SLC22A25: variants seen among roughly 807,000 people sequenced by gnomAD.
SLC22A25 encodes solute carrier family 22 member 25, also known as MGI:2442751, MGI:2385316, MGI:3042283, MGI:3645714, MGI:3605624, MGI:2442750.
Under a neutral mutation model 45.9 loss-of-function variants are expected in SLC22A25, and 44 were observed. The observed-to-expected ratio is 0.96, with a 90% CI of 0.75 to 1.23. SLC22A25 has a LOEUF of 1.23. Ranked by LOEUF, SLC22A25 falls within the 50% of genes most tolerant of loss-of-function variation. SLC22A25 has a pLI of 0.00. For synonymous variants in SLC22A25, 283 were observed against 238.6 expected (o/e 1.19, Z -1.72); for missense variants, 800 against 666.4 (o/e 1.20, Z -2.21).
intron 5 of SLC22A25, among the ~76,000 whole-genome samples, chr11:63,226,090 C>A (rs756340569): frequency 3.9e-5 from 6 of 151,986 alleles, no homozygotes; most frequent in Non-Finnish European, 7.4e-5. Flanking sequence ...ACCATTATTT[C>A]GAATTTTCTA....
chr11:63,200,673 G>A (rs1294691395), intron 7 of SLC22A25, among the ~76,000 whole-genome samples: 1 of 152,126 alleles, frequency 6.6e-6, no homozygotes, highest in Non-Finnish European at 1.5e-5. Context: ...TCAGGCAACA[G>A]AAAGAAATAA....
intron 1 of SLC22A25, among the ~76,000 whole-genome samples, chr11:63,242,744 T>C (rs2090270506): frequency 6.6e-6 from 1 of 152,184 alleles, no homozygotes. Flanking sequence ...CCTCATAGAC[T>C]GTGATCCCTA....
At chr11:63,189,800 A>C (rs1013546937) in intron 7 of SLC22A25, among the ~76,000 whole-genome samples, 1 of 152,176 alleles carries the variant, frequency 6.6e-6, no homozygotes, top group Non-Finnish European at 1.5e-5. Flanking sequence ...TCCTTCACTT[A>C]TGAAGCTTAG....
intron 7 of SLC22A25, among the ~76,000 whole-genome samples, chr11:63,208,700 G>A (rs1473186541): frequency 3.9e-5 from 6 of 152,156 alleles, no homozygotes; most frequent in Non-Finnish European, 7.4e-5. Context: ...AGAGGCCAAT[G>A]TGGGGAGTGA....
At position 63,236,061 on chromosome 11, in the gene SLC22A25, G is replaced by T. The variant is rs571109481; in HGVS notation, c.-445+1820C>A. Among the ~76,000 whole-genome samples, 572 of 152,272 alleles carry T rather than the reference G, an allele frequency of 3.8e-3. 1 individual carries two copies. Among genetic ancestry groups the T allele is most frequent in the African/African-American group, 0.013 (549 of 41,552 alleles). ...GGTGTCAGTCCACCCCTAATGGGGG[G>T]TGCCTCCCAGTTAGGCTACTTGGTG... On this transcript the variant is annotated intron_variant, in intron 3 of 11. Coordinates refer to ENST00000306494, the MANE Select transcript of SLC22A25 (RefSeq NM_199352.6).
intron 7 of SLC22A25, among the ~76,000 whole-genome samples, chr11:63,194,684 T>C (rs2088941185): frequency 6.6e-6 from 1 of 151,834 alleles, no homozygotes; most frequent in South Asian, 2.1e-4. Context: ...GCTAACATCA[T>C]AATGACAGGA....
intron 7 of SLC22A25, 28 bp from the exon 8 acceptor site, chr11:63,183,845 G>A (rs542792500): frequency 3.7e-6 from 6 of 1,611,878 alleles, no homozygotes; most frequent in Middle Eastern, 1.7e-4. Flanking sequence ...CAGAGGTGCA[G>A]CCAACCACTA....
intron 7 of SLC22A25, among the ~76,000 whole-genome samples, chr11:63,214,194 C>T (rs963496692): frequency 2.0e-5 from 3 of 152,104 alleles, no homozygotes; most frequent in Non-Finnish European, 4.4e-5. Flanking sequence ...TCTGCCTCAT[C>T]CTCCTTTGCC....
rs147678191 is a variant in SLC22A25 at position 63,236,647 on chromosome 11, G to C, written c.-445+1234C>G. 2.0e-4 allele frequency among the ~76,000 whole-genome samples: 30 copies of C among 151,788 alleles called. No individual in the cohort carries two copies. The East Asian group carries it at 4.8e-3, about 25-fold the overall frequency. ...TCATGCACGGTGTGCTGCACCCACT[G>C]TCCTGCACCCACTGTCCCGCACCCA... On this transcript the variant is annotated intron_variant, in intron 3 of 11. Coordinates refer to ENST00000306494, the MANE Select transcript of SLC22A25 (RefSeq NM_199352.6).
chr11:63,174,931 C>T (rs927102392), intron 9 of SLC22A25, among the ~76,000 whole-genome samples: 2 of 152,008 alleles, frequency 1.3e-5, no homozygotes, highest in African/African-American at 4.8e-5. Flanking sequence ...GCATAATGTC[C>T]TCAAGTTTCA....
intron 5 of SLC22A25, among the ~76,000 whole-genome samples, chr11:63,223,450 C>A (rs572019824): frequency 1.1e-4 from 17 of 152,114 alleles, no homozygotes; most frequent in African/African-American, 3.9e-4. Flanking sequence ...CTTTGAATTT[C>A]TGTGGTATCA....
At chr11:63,171,960 T>C (rs2087903233) in intron 9 of SLC22A25, among the ~76,000 whole-genome samples, 1 of 152,014 alleles carries the variant, frequency 6.6e-6, no homozygotes, top group African/African-American at 2.4e-5. Context: ...ATCAGATACA[T>C]AGACCAATGG....
intron 7 of SLC22A25, among the ~76,000 whole-genome samples, chr11:63,202,168 TG>T (rs2089266069): frequency 6.6e-6 from 1 of 152,110 alleles, no homozygotes; most frequent in African/African-American, 2.4e-5. Context: ...GAGATTCCCT[TG>T]GGTGCTTATA....
intron 5 of SLC22A25, chr11:63,220,098 C>A (rs1345296630): frequency 5.2e-6 from 5 of 966,954 alleles, no homozygotes; most frequent in Non-Finnish European, 7.2e-6. Flanking sequence ...CAATATTGTC[C>A]TTAGATTACT....
At chr11:63,181,677 A>G (rs998344008) in intron 8 of SLC22A25, among the ~76,000 whole-genome samples, 4 of 152,036 alleles carry the variant, frequency 2.6e-5, no homozygotes, top group Admixed American at 2.6e-4. Context: ...GGCATGCTGT[A>G]GTGCCCAGAA....
intron 8 of SLC22A25, among the ~76,000 whole-genome samples, chr11:63,182,680 C>T (rs1056011702): frequency 1.3e-5 from 2 of 151,964 alleles, no homozygotes; most frequent in Non-Finnish European, 2.9e-5. Context: ...TTCCTGCCAC[C>T]TTCTGTTGAA....
At chr11:63,176,635 T>C (rs1024491216) in intron 9 of SLC22A25, among the ~76,000 whole-genome samples, 2 of 152,018 alleles carry the variant, frequency 1.3e-5, no homozygotes, top group Non-Finnish European at 2.9e-5. Context: ...ACCTCTAAGA[T>C]CATATAACCA....
rs537478089 is a variant in SLC22A25 at position 63,218,011 on chromosome 11, G to A, written c.507-276C>T. On this transcript the variant is annotated intron_variant, in intron 5 of 11. Coordinates refer to ENST00000306494, the MANE Select transcript of SLC22A25 (RefSeq NM_199352.6). ...AACATGTAAGACAGGCTGGGATGTT[G>A]AAATGTTAACACACCAGAAATGTCC... The A allele has an allele frequency of 2.9e-5, 17 of 592,612 alleles. No individual in the cohort carries two copies. In the African/African-American group the frequency reaches 3.1e-4, roughly 11 times the overall value. The allele number at this position is 592,612 out of a possible 1,614,324, so 36.7% of individuals were successfully genotyped here.
chr11:63,166,078 TGCCA>T lies in SLC22A25; in HGVS notation c.1247_1250del (p.Leu416GlnfsTer43). 6.2e-7 allele frequency: 1 copy of T among 1,614,004 alleles called. No homozygotes were observed. Among genetic ancestry groups the T allele is most frequent in the Non-Finnish European group, 8.5e-7 (1 of 1,179,932 alleles). On this transcript the variant is annotated frameshift_variant, in exon 10 of 12. Transcript: ENST00000306494. LOFTEE classifies it high-confidence loss of function. ...CAAATATGATGGCCAGAAGGCAGGT[TGCCA>T]GTAGGAACATGAGAAGCATCTGGCT... is the stretch of plus-strand genomic sequence containing the variant.
Sources: gnomAD v4.1 joint callset for allele counts (sites outside exome capture counted in the v4.1 genomes callset) on GRCh38, gnomAD v4.1.1 for gene constraint, MANE v1.5 for transcripts, NCBI Gene and HGNC (gene_info 2026-07-23, HGNC 2026-07-21) for gene names.